Variants in CNTNAP2 observed in about 807,000 individuals in gnomAD.
CNTNAP2 encodes the protein contactin associated protein 2.
A neutral mutation model predicts 155.2 loss-of-function variants in CNTNAP2; 98 were observed. That is an observed-to-expected ratio of 0.63 (90% CI 0.54 to 0.75). The LOEUF is 0.75. CNTNAP2 is among the 30% of genes least tolerant of loss of function. The pLI is 0.00. For synonymous variants in CNTNAP2, 651 were observed against 631.2 expected (o/e 1.03, Z -0.47); for missense variants, 1,727 against 1,688.1 (o/e 1.02, Z -0.40).
chr7:146,869,639 A>G (rs1434782392), intron 3 of CNTNAP2, among the ~76,000 whole-genome samples: 2 of 152,142 alleles, frequency 1.3e-5, no homozygotes, highest in African/African-American at 2.4e-5. Context: ...TCTGTGGCCA[A>G]AGGTCCAAGA....
chr7:146,876,462 A>G (rs1476982349), intron 3 of CNTNAP2, among the ~76,000 whole-genome samples: 1 of 152,202 alleles, frequency 6.6e-6, no homozygotes, highest in East Asian at 1.9e-4. Flanking sequence ...ATAAAACTCT[A>G]TAATAAAATA....
At chr7:147,230,300 CAGGCTGGAGT>C (rs1372494056) in intron 8 of CNTNAP2, among the ~76,000 whole-genome samples, 4 of 152,036 alleles carry the variant, frequency 2.6e-5, no homozygotes, top group African/African-American at 9.6e-5. Context: ...TCTCTGTCAC[CAGGCTGGAGT>C]AGAGTGGTGC....
intron 1 of CNTNAP2, among the ~76,000 whole-genome samples, chr7:146,622,034 C>T (rs1799326668): frequency 6.6e-6 from 1 of 151,986 alleles, no homozygotes; most frequent in African/African-American, 2.4e-5. Flanking sequence ...CTTTCAGTTG[C>T]CCTGTGTCCT....
chr7:146,149,571 C>G (rs1375315605), intron 1 of CNTNAP2, among the ~76,000 whole-genome samples: 1 of 151,924 alleles, frequency 6.6e-6, no homozygotes, highest in Non-Finnish European at 1.5e-5. Context: ...ACTAAAAGAA[C>G]AGAACGGAGT....
At chr7:147,398,026 C>A (rs774619233) in intron 10 of CNTNAP2, among the ~76,000 whole-genome samples, 1 of 152,022 alleles carries the variant, frequency 6.6e-6, no homozygotes, top group Non-Finnish European at 1.5e-5. Flanking sequence ...ACAGCAGATT[C>A]CTTTAGTCAC....
intron 18 of CNTNAP2, among the ~76,000 whole-genome samples, chr7:148,206,154 G>A (rs1272801065): frequency 6.7e-6 from 1 of 148,480 alleles, no homozygotes; most frequent in Admixed American, 6.8e-5. Flanking sequence ...TATTAATGTT[G>A]GTTTCCTGAC....
At chr7:146,534,496 T>C (rs1439178141) in intron 1 of CNTNAP2, among the ~76,000 whole-genome samples, 1 of 152,008 alleles carries the variant, frequency 6.6e-6, no homozygotes, top group African/African-American at 2.4e-5. Flanking sequence ...TGTCAAAGAG[T>C]GTTGTAGAAA....
chr7:148,142,250 A>G (rs1034015578), intron 16 of CNTNAP2, among the ~76,000 whole-genome samples: 4 of 152,008 alleles, frequency 2.6e-5, no homozygotes, highest in Admixed American at 1.3e-4. Context: ...AATTAGGAAC[A>G]TAGATGAACT....
intron 1 of CNTNAP2, among the ~76,000 whole-genome samples, chr7:146,308,087 G>A (rs986809416): frequency 2.0e-5 from 3 of 152,046 alleles, no homozygotes; most frequent in Non-Finnish European, 2.9e-5. Context: ...ATCTGACAAA[G>A]GGCTAATATC....
intron 8 of CNTNAP2, among the ~76,000 whole-genome samples, chr7:147,169,585 T>C (rs538572962): frequency 6.8e-6 from 1 of 146,376 alleles, no homozygotes; most frequent in African/African-American, 2.5e-5. Context: ...TCCAGCTCCA[T>C]CCATATTTCT....
chr7:146,719,199 C>T (rs1052389410), intron 1 of CNTNAP2, among the ~76,000 whole-genome samples: 2 of 151,986 alleles, frequency 1.3e-5, no homozygotes, highest in African/African-American at 4.8e-5. Context: ...TTCTGTCTGC[C>T]CCTTCGGTCT....
At chr7:147,375,714 C>G (rs1379856455) in intron 9 of CNTNAP2, among the ~76,000 whole-genome samples, 2 of 152,060 alleles carry the variant, frequency 1.3e-5, no homozygotes, top group African/African-American at 4.8e-5. Flanking sequence ...TTCACCATTT[C>G]CATTTTCACT....
chr7:148,073,209 G>A (rs1803414559), intron 15 of CNTNAP2, among the ~76,000 whole-genome samples: 1 of 152,116 alleles, frequency 6.6e-6, no homozygotes, highest in Non-Finnish European at 1.5e-5. Context: ...AATATGAGCT[G>A]GTAGGCTGCG....
chr7:148,387,467 A>C (rs1312668634), intron 22 of CNTNAP2, among the ~76,000 whole-genome samples: 1 of 152,154 alleles, frequency 6.6e-6, no homozygotes, highest in Non-Finnish European at 1.5e-5. Context: ...AAATAACATG[A>C]GAGCTCGTGA....
intron 8 of CNTNAP2, among the ~76,000 whole-genome samples, chr7:147,137,783 G>A (rs551387708): frequency 1.1e-4 from 16 of 151,586 alleles, no homozygotes; most frequent in South Asian, 2.1e-4. Flanking sequence ...AACAAATTCC[G>A]CACCATCTAT....
chr7:146,302,240 A>G (rs973017355), intron 1 of CNTNAP2, among the ~76,000 whole-genome samples: 2 of 152,218 alleles, frequency 1.3e-5, no homozygotes, highest in East Asian at 1.9e-4. Flanking sequence ...TCAGTCCCAT[A>G]TAATAGAAGT....
chr7:148,293,073 ATAAAT>A (rs201597708), intron 21 of CNTNAP2, among the ~76,000 whole-genome samples: 13,211 of 149,242 alleles, frequency 0.089, 727 homozygotes, highest in African/African-American at 0.15. Flanking sequence ...TTGACAAAAA[ATAAAT>A]AAAATAAAAT....
chr7:146,794,347 T>G (rs1802729527), intron 2 of CNTNAP2, among the ~76,000 whole-genome samples: 1 of 152,238 alleles, frequency 6.6e-6, no homozygotes, highest in Non-Finnish European at 1.5e-5. Context: ...ATAATTTCTA[T>G]TATGTTTAGA....
intron 1 of CNTNAP2, among the ~76,000 whole-genome samples, chr7:146,590,357 T>A (rs1584996110): frequency 6.6e-6 from 1 of 152,146 alleles, no homozygotes; most frequent in East Asian, 1.9e-4. Flanking sequence ...TCAGTGAGAA[T>A]TTTTTTGATG....
Sources: allele counts gnomAD v4.1 joint callset (sites outside exome capture counted in the v4.1 genomes callset), GRCh38; gene constraint gnomAD v4.1.1; transcripts MANE v1.5; gene names NCBI Gene and HGNC (gene_info 2026-07-23, HGNC 2026-07-21).